SEMA5A: variants seen among roughly 807,000 people sequenced by gnomAD.
The protein encoded by SEMA5A is semaphorin-5A.
A neutral mutation model predicts 135.5 loss-of-function variants in SEMA5A; 55 were observed. The observed-to-expected ratio is 0.41, with a 90% confidence interval of 0.33 to 0.51. The LOEUF is 0.51. Ranked by LOEUF, SEMA5A falls within the 20% of genes least tolerant of loss-of-function variation. SEMA5A has a pLI of 0.37. For missense variants in SEMA5A, 1,290 were observed against 1,419.9 expected, an observed-to-expected ratio of 0.91 and a Z score of 1.47; for synonymous variants, 580 against 546.5, an observed-to-expected ratio of 1.06 and a Z score of -0.85.
At chr5:9,308,959 C>T (rs1360807511) in intron 5 of SEMA5A, among the ~76,000 whole-genome samples, 1 of 152,098 alleles carries the variant, frequency 6.6e-6, no homozygotes, top group Non-Finnish European at 1.5e-5. Context: ...CAAATTAGGT[C>T]ATTAAAGTTA....
At position 9,201,951 on chromosome 5, in the gene SEMA5A, A is replaced by G. The variant is rs771401475; in HGVS notation, c.932+4T>C. On this transcript the variant is annotated splice_donor_region_variant and intron_variant, in intron 9 of 22. Coordinates refer to ENST00000382496, the MANE Select transcript of SEMA5A (RefSeq NM_003966.3). ...GGGGAGAAAAATTATTTCAAGTTAC[A>G]TACACATTGGTGGTAAAGATGCCAT... The G allele has an allele frequency of 4.6e-5, 74 of 1,612,348 alleles. No individual in the cohort carries two copies. Among genetic ancestry groups the G allele is most frequent in the Non-Finnish European group, 5.9e-5 (70 of 1,178,636 alleles).
intron 10 of SEMA5A, 125 bp downstream of exon 10, chr5:9,197,043 G>A (rs1561010040): frequency 6.7e-6 from 9 of 1,345,526 alleles, no homozygotes; most frequent in Non-Finnish European, 9.2e-6. Context: ...CTGTCCATGA[G>A]GGGCCAGGGA....
At chr5:9,175,706 G>A (rs1744166990) in intron 11 of SEMA5A, among the ~76,000 whole-genome samples, 1 of 152,182 alleles carries the variant, frequency 6.6e-6, no homozygotes. Context: ...ACTAGATGTA[G>A]AGCAAATAAC....
chr5:9,072,400 G>A (rs1857775), intron 16 of SEMA5A, among the ~76,000 whole-genome samples: 135,290 of 152,202 alleles, frequency 0.89, 60,276 homozygotes, highest in East Asian at 0.96. Context: ...CACCAGTGAT[G>A]TGCAAAAATC....
At chr5:9,401,378 G>C (rs1231520530) in intron 2 of SEMA5A, among the ~76,000 whole-genome samples, 1 of 152,138 alleles carries the variant, frequency 6.6e-6, no homozygotes, top group Non-Finnish European at 1.5e-5. Flanking sequence ...TGTTTCCCAT[G>C]GTGTCCACCC....
chr5:9,178,023 ATT>A (rs1744294966), intron 11 of SEMA5A, among the ~76,000 whole-genome samples: 1 of 152,242 alleles, frequency 6.6e-6, no homozygotes, highest in African/African-American at 2.4e-5. Flanking sequence ...AGCCTGCCTC[ATT>A]CAAAACCAAC....
chr5:9,387,949 G>GT (rs1221368038), intron 2 of SEMA5A, among the ~76,000 whole-genome samples: 1 of 152,030 alleles, frequency 6.6e-6, no homozygotes, highest in Non-Finnish European at 1.5e-5. Flanking sequence ...TTTAACCCAC[G>GT]TGTCTCGATT....
intron 16 of SEMA5A, among the ~76,000 whole-genome samples, chr5:9,089,248 C>T (rs1389340266): frequency 2.6e-5 from 4 of 152,204 alleles, no homozygotes; most frequent in African/African-American, 9.7e-5. Context: ...GCGATCCATG[C>T]ACCAGAAAAC....
chr5:9,085,959 A>C (rs1484800574), intron 16 of SEMA5A, among the ~76,000 whole-genome samples: 1 of 152,176 alleles, frequency 6.6e-6, no homozygotes, highest in African/African-American at 2.4e-5. Flanking sequence ...TGAGACATGG[A>C]CTCAAAGGAG....
At chr5:9,221,231 T>C (rs932263824) in intron 8 of SEMA5A, among the ~76,000 whole-genome samples, 2 of 152,066 alleles carry the variant, frequency 1.3e-5, no homozygotes, top group Non-Finnish European at 2.9e-5. Flanking sequence ...ACTAAGGGTG[T>C]TTGTTTTTAG....
intron 11 of SEMA5A, among the ~76,000 whole-genome samples, chr5:9,164,751 GA>G (rs1315954174): frequency 7.2e-5 from 11 of 152,132 alleles, no homozygotes; most frequent in African/African-American, 2.7e-4. Context: ...GAGCACTTAA[GA>G]ATGAACTTTC....
chr5:9,274,386 G>A (rs1405129227), intron 5 of SEMA5A, among the ~76,000 whole-genome samples: 1 of 151,960 alleles, frequency 6.6e-6, no homozygotes, highest in East Asian at 1.9e-4. Flanking sequence ...CACGATAGTG[G>A]GATATTTTAA....
intron 17 of SEMA5A, 108 bp downstream of exon 17, chr5:9,066,313 C>T: frequency 2.0e-6 from 2 of 1,008,660 alleles, no homozygotes; most frequent in South Asian, 1.4e-5. Flanking sequence ...GGCTGCTAAG[C>T]CATAAATAAC....
At chr5:9,512,121 G>A (rs1736236722) in intron 1 of SEMA5A, 1 of 142,978 alleles carries the variant, frequency 7.0e-6, no homozygotes, top group South Asian at 2.2e-4. Context: ...CAAAATTGTG[G>A]CTTCTAGAAA....
chr5:9,530,789 T>C (rs1358583772), intron 1 of SEMA5A, among the ~76,000 whole-genome samples: 3 of 152,130 alleles, frequency 2.0e-5, no homozygotes, highest in African/African-American at 4.8e-5. Context: ...GAATCTTGAC[T>C]TGCACAATGG....
intron 1 of SEMA5A, among the ~76,000 whole-genome samples, chr5:9,443,170 G>A (rs1758301590): frequency 6.6e-6 from 1 of 152,200 alleles, no homozygotes. Flanking sequence ...CCACAGGAAT[G>A]TGCTTGGATA....
intron 5 of SEMA5A, among the ~76,000 whole-genome samples, chr5:9,308,393 AT>A (rs1175210070): frequency 6.6e-6 from 1 of 152,110 alleles, no homozygotes; most frequent in African/African-American, 2.4e-5. Context: ...CTCAAATGGG[AT>A]TAACAGCGGT....
rs1325959741 is a variant in SEMA5A, at chr5:9,054,117, C to G, written c.2659G>C (p.Glu887Gln). 2.5e-6 allele frequency: 4 copies of G among 1,613,066 alleles called. No homozygotes were observed. Among genetic ancestry groups the G allele is most frequent in the Non-Finnish European group, 8.5e-7 (1 of 1,179,624 alleles). The change falls in exon 19 of 23, where the codon GAG (glutamate) becomes CAG (glutamine). Residue 887 changes from glutamate (E) to glutamine (Q), a missense_variant. Glu to Gln is a conservative substitution (Grantham distance 29). Around this residue, in one of 3 missense-constraint regions of SEMA5A, gnomAD observed 1,029 missense variants for 1,086.6 expected, o/e 0.95. Transcript: ENST00000382496. Reference protein sequence around the residue: ...GDICLGLHTEEALCNTQPCPE... With the variant: ...GDICLGLHTEQALCNTQPCPE... ...CAGGGCTGCGTGTTGCAGAGTGCCT[C>G]TTCTGTGTGCAGCCCCAGGCAGATG...
chr5:9,412,916 T>C (rs1757155162), intron 2 of SEMA5A, among the ~76,000 whole-genome samples: 1 of 152,188 alleles, frequency 6.6e-6, no homozygotes, highest in South Asian at 2.1e-4. Flanking sequence ...CATTTTCTTG[T>C]ATAAAGATAC....
Sources: gnomAD v4.1 joint callset for allele counts (sites outside exome capture counted in the v4.1 genomes callset) on GRCh38, gnomAD v4.1.1 for gene constraint, gnomAD v4.1.1 regional missense constraint, MANE v1.5 for transcripts, NCBI Gene and HGNC (gene_info 2026-07-23, HGNC 2026-07-21) for gene names.